STRIP1: variants seen among roughly 807,000 people sequenced by gnomAD.
STRIP1 encodes the protein striatin-interacting protein 1.
STRIP1 carries 63 observed loss-of-function variants against 106.2 expected under a neutral mutation model. The ratio of observed to expected loss-of-function variants is 0.59; its 90% CI spans 0.48 to 0.73. STRIP1 has a LOEUF of 0.73. Ranked by LOEUF, STRIP1 falls within the 30% of genes least tolerant of loss-of-function variation. STRIP1 has a pLI of 0.00. For synonymous variants in STRIP1, 390 were observed against 413.0 expected (o/e 0.94, Z 0.67); for missense variants, 857 against 1,074.8 (o/e 0.80, Z 2.83).
chr1:110,040,565 C>A, intron 5 of STRIP1, 70 bp from the exon 6 acceptor site: 2 of 1,442,908 alleles, frequency 1.4e-6, no homozygotes, highest in South Asian at 2.6e-5. Context: ...CCCCATTGGT[C>A]AGTACTTGTC....
intron 9 of STRIP1, 23 bp downstream of exon 9, chr1:110,043,293 TG>T: frequency 6.2e-7 from 1 of 1,605,550 alleles, no homozygotes; most frequent in African/African-American, 1.3e-5. Flanking sequence ...GAGGTCCCTG[TG>T]ACTCCTGAGG....
At chr1:110,037,012 T>G (rs1486467288) in intron 1 of STRIP1, among the ~76,000 whole-genome samples, 1 of 152,104 alleles carries the variant, frequency 6.6e-6, no homozygotes, top group Non-Finnish European at 1.5e-5. Flanking sequence ...ATTTTATATT[T>G]TTATTAGAGA....
chr1:110,038,829 C>T (rs1652620109), intron 3 of STRIP1, 72 bp downstream of exon 3: 1 of 1,356,236 alleles, frequency 7.4e-7, no homozygotes, highest in African/African-American at 1.4e-5. Flanking sequence ...TTTTAGGCAT[C>T]TGAATGACCT....
chr1:110,050,062 C>T, intron 17 of STRIP1: 1 of 460,980 alleles, frequency 2.2e-6, no homozygotes, highest in Non-Finnish European at 3.9e-6. Context: ...TATCTCCTCC[C>T]CCGCCCCACA....
intron 8 of STRIP1, among the ~76,000 whole-genome samples, chr1:110,042,390 TC>T (rs1652806321): frequency 6.6e-6 from 1 of 152,158 alleles, no homozygotes; most frequent in Non-Finnish European, 1.5e-5. Context: ...CAGGAGGCCT[TC>T]CCAGGAGGAG....
Position 110,051,694 on chromosome 1 carries a change from G to T in STRIP1, c.2073G>T (p.Val691=). 1 of 1,605,536 alleles carries T rather than the reference G, an allele frequency of 6.2e-7. No homozygotes were observed. Residue 691 remains valine (V), a synonymous_variant, in exon 20 of 21, where the codon GTG becomes GTT. Coordinates refer to ENST00000369795, the MANE Select transcript of STRIP1 (RefSeq NM_033088.4). ...GTTTCCCTTCCCAGATGCTGGTGGT[G>T]TTCAAGTCAGCCCCCATCTTGAAGC... ...WKHSRTMMLV[V]FKSAPILKRA...
rs1290130058 is a variant in STRIP1, at chr1:110,053,935, A to T, written c.*23A>T. The T allele has an allele frequency of 6.2e-7, 1 of 1,612,716 alleles. No homozygotes were observed. Among genetic ancestry groups the T allele is most frequent in the East Asian group, 2.2e-5 (1 of 44,850 alleles). On this transcript the variant is annotated 3_prime_UTR_variant, in exon 21 of 21. Coordinates refer to ENST00000369795, the MANE Select transcript of STRIP1 (RefSeq NM_033088.4). Reference sequence around the variant, plus strand: ...TGAGGCTGTTGGTTAGGGGACTGAAATGGAGAGAAAAGATGATCTGAAGGT... The same window carrying T: ...TGAGGCTGTTGGTTAGGGGACTGAATTGGAGAGAAAAGATGATCTGAAGGT...
chr1:110,045,843 C>T (rs111552185), intron 12 of STRIP1, among the ~76,000 whole-genome samples: 2,729 of 152,084 alleles, frequency 0.018, 67 homozygotes, highest in African/African-American at 0.053. Flanking sequence ...GCCCTGTGTC[C>T]CCTCCCATAC....
intron 15 of STRIP1, 112 bp from the exon 16 acceptor site, chr1:110,048,999 TG>T: frequency 8.0e-7 from 1 of 1,246,504 alleles, no homozygotes. Context: ...TTGGGGTGAG[TG>T]GGGAGGTAGG....
At chr1:110,033,058 A>C (rs1177494235), upstream of STRIP1, among the ~76,000 whole-genome samples, 4 of 152,132 alleles carry the variant, frequency 2.6e-5, no homozygotes, top group African/African-American at 9.7e-5. Context: ...TCCAGACACT[A>C]ACATCAGGGC....
intron 1 of STRIP1, among the ~76,000 whole-genome samples, chr1:110,035,494 A>G (rs540378090): frequency 8.5e-5 from 13 of 152,210 alleles, no homozygotes; most frequent in South Asian, 8.3e-4. Flanking sequence ...TTAGGACCCA[A>G]CATTCCTTCC....
intron 18 of STRIP1, 139 bp downstream of exon 18, chr1:110,050,548 G>A: frequency 1.2e-6 from 1 of 806,588 alleles, no homozygotes; most frequent in Non-Finnish European, 2.1e-6. Context: ...TTAAAGCACT[G>A]TAAGTGTACA....
At position 110,045,246 on chromosome 1, in the gene STRIP1, T is replaced by C. The variant is rs140486589; in HGVS notation, c.1416+168T>C. 9.1e-5 allele frequency: 56 copies of C among 616,256 alleles called. No homozygotes were observed. In the African/African-American group the frequency reaches 9.4e-4, roughly 10 times the overall value. 38.2% of individuals were successfully genotyped at this position (616,256 alleles called of 1,614,324 possible). On this transcript the variant is annotated intron_variant, in intron 12 of 20. Coordinates refer to ENST00000369795, the MANE Select transcript of STRIP1 (RefSeq NM_033088.4). Reference sequence around the variant, plus strand: ...GCAAACAGTCTTTCGTAAGTTTTGCTTGTTTTATTATAAGTTTTACTTGTT... The same window carrying C: ...GCAAACAGTCTTTCGTAAGTTTTGCCTGTTTTATTATAAGTTTTACTTGTT...
At chr1:110,049,397 G>T in intron 16 of STRIP1, 63 bp from the exon 17 acceptor site, 1 of 1,541,982 alleles carries the variant, frequency 6.5e-7, no homozygotes, top group Non-Finnish European at 8.8e-7. Context: ...ATCCCTGGAG[G>T]AAAGAGGGCA....
At position 110,039,312 on chromosome 1, in the gene STRIP1, G is replaced by C; in HGVS notation, c.460+6G>C. On this transcript the variant is annotated splice_donor_region_variant and intron_variant, in intron 4 of 20. Transcript: ENST00000369795. ...AATTCTCTATGTTGCTCAAGGTATT[G>C]AGTGGACCTCCCCAGGGTTCCCTGG... The C allele has an allele frequency of 6.2e-7, 1 of 1,614,138 alleles. No individual in the cohort carries two copies. Among genetic ancestry groups the C allele is most frequent in the Non-Finnish European group, 8.5e-7 (1 of 1,180,006 alleles).
rs1652355345 is a variant in STRIP1, at chr1:110,034,765, T to A, written c.128T>A (p.Leu43Gln). Residue 43 changes from leucine to glutamine, a missense_variant, in exon 1 of 21, where the codon CTG (leucine) becomes CAG (glutamine). Leu to Gln is a moderately radical substitution (Grantham distance 113). Around this residue, in one of 2 missense-constraint regions of STRIP1, gnomAD observed 107 missense variants for 85.1 expected, o/e 1.26. Coordinates refer to ENST00000369795, the MANE Select transcript of STRIP1 (RefSeq NM_033088.4). ...PGAPRAAAGL[L>Q]PGGKAREFNR... ...GCACCGCGGGCCGCCGCGGGCCTCC[T>A]GCCTGGGGGCAAAGCCCGCGAGTTC... is the stretch of plus-strand genomic sequence containing the variant. 6.9e-7 allele frequency: 1 copy of A among 1,448,506 alleles called. No individual in the cohort carries two copies. The highest frequency in any genetic ancestry group is 9.0e-7 in the Non-Finnish European group (1 of 1,107,408). The allele number at this position is 1,448,506 out of a possible 1,614,324, so 89.7% of individuals were successfully genotyped here.
At chr1:110,036,324 G>C (rs1213404129) in intron 1 of STRIP1, among the ~76,000 whole-genome samples, 1 of 152,052 alleles carries the variant, frequency 6.6e-6, no homozygotes, top group East Asian at 1.9e-4. Context: ...GTGGTGGCTG[G>C]TGCCTGTAAT....
chr1:110,038,414 C>T (rs1222120477), intron 2 of STRIP1, among the ~76,000 whole-genome samples: 2 of 152,152 alleles, frequency 1.3e-5, no homozygotes, highest in Non-Finnish European at 2.9e-5. Context: ...AGATGCATCC[C>T]AGGTGGCCGT....
chr1:110,042,236 G>A (rs1011638689), intron 8 of STRIP1, among the ~76,000 whole-genome samples: 1 of 152,194 alleles, frequency 6.6e-6, no homozygotes, highest in Admixed American at 6.5e-5. Flanking sequence ...CACTTAAAGG[G>A]GCAAGAGTGA....
Sources: allele counts gnomAD v4.1 joint callset (sites outside exome capture counted in the v4.1 genomes callset), GRCh38; gene constraint gnomAD v4.1.1; regional missense constraint gnomAD v4.1.1; transcripts MANE v1.5; gene names NCBI Gene and HGNC (gene_info 2026-07-23, HGNC 2026-07-21).